Variants in AUTS2 observed in about 807,000 individuals in gnomAD.
The protein encoded by AUTS2 is activator of transcription and developmental regulator AUTS2, also known as autism susceptibility gene 2 protein.
A neutral mutation model predicts 112.4 loss-of-function variants in AUTS2; 17 were observed. The ratio of observed to expected loss-of-function variants is 0.15; its 90% CI spans 0.10 to 0.23. The LOEUF is 0.23. Ranked by LOEUF, AUTS2 falls within the 10% of genes least tolerant of loss-of-function variation. The pLI is 1.00. For missense variants in AUTS2, 1,510 were observed against 1,701.6 expected, an observed-to-expected ratio of 0.89 and a Z score of 1.98; for synonymous variants, 751 against 702.7, an observed-to-expected ratio of 1.07 and a Z score of -1.09.
intron 1 of AUTS2, among the ~76,000 whole-genome samples, chr7:69,816,163 G>A (rs1021856895): frequency 2.6e-5 from 4 of 152,156 alleles, no homozygotes; most frequent in African/African-American, 4.8e-5. Flanking sequence ...TTAACAATGG[G>A]GGCAAGCTTT....
At chr7:70,171,905 T>TGGGGGG (rs567903138) in intron 4 of AUTS2, among the ~76,000 whole-genome samples, 8 of 146,700 alleles carry the variant, frequency 5.5e-5, no homozygotes, top group African/African-American at 1.8e-4. Context: ...TTTTTTTTTT[T>TGGGGGG]GGGGGGGGGT....
chr7:70,392,938 T>C (rs1793927800), intron 4 of AUTS2, among the ~76,000 whole-genome samples: 2 of 152,228 alleles, frequency 1.3e-5, no homozygotes, highest in African/African-American at 4.8e-5. Flanking sequence ...TTAGAGAGGT[T>C]TTCTACTGGG....
At chr7:70,510,776 G>A (rs978418592) in intron 5 of AUTS2, among the ~76,000 whole-genome samples, 6 of 151,754 alleles carry the variant, frequency 4.0e-5, no homozygotes, top group Non-Finnish European at 7.4e-5. Context: ...ACAGGTAATA[G>A]GTTTATTGTT....
intron 2 of AUTS2, among the ~76,000 whole-genome samples, chr7:70,079,757 TA>T (rs1468694195): frequency 1.3e-5 from 2 of 152,132 alleles, no homozygotes; most frequent in African/African-American, 4.8e-5. Context: ...CAGAAATTGG[TA>T]AACAGGATGT....
chr7:70,591,618 C>T (rs570208376), intron 5 of AUTS2, among the ~76,000 whole-genome samples: 152 of 152,280 alleles, frequency 1.0e-3, no homozygotes, highest in African/African-American at 3.4e-3. Context: ...AGGCTGGTCT[C>T]AAACTCCTGA....
chr7:69,999,458 A>G (rs918200003), intron 2 of AUTS2, among the ~76,000 whole-genome samples: 1 of 152,218 alleles, frequency 6.6e-6, no homozygotes, highest in Non-Finnish European at 1.5e-5. Context: ...TGACTAACAC[A>G]TTAAATTCTG....
chr7:70,180,866 A>C (rs1809260733), intron 4 of AUTS2, among the ~76,000 whole-genome samples: 1 of 152,158 alleles, frequency 6.6e-6, no homozygotes, highest in African/African-American at 2.4e-5. Flanking sequence ...TCTATTGACT[A>C]TTGTGTTTGC....
At chr7:70,008,215 T>C (rs76166507) in intron 2 of AUTS2, among the ~76,000 whole-genome samples, 3,069 of 152,294 alleles carry the variant, frequency 0.02, 66 homozygotes, top group East Asian at 0.052. Flanking sequence ...ATTTTTTCTT[T>C]ATAATTCTCT....
chr7:70,109,196 G>A (rs1403260759), intron 2 of AUTS2, among the ~76,000 whole-genome samples: 1 of 152,114 alleles, frequency 6.6e-6, no homozygotes, highest in African/African-American at 2.4e-5. Flanking sequence ...AGTAAGTTTT[G>A]TGTGTTTATT....
intron 2 of AUTS2, among the ~76,000 whole-genome samples, chr7:70,083,489 T>C (rs1803425003): frequency 6.6e-6 from 1 of 152,340 alleles, no homozygotes; most frequent in South Asian, 2.1e-4. Flanking sequence ...TAAAATAAAC[T>C]TCTTTGTATA....
intron 5 of AUTS2, among the ~76,000 whole-genome samples, chr7:70,630,083 A>G (rs1348550203): frequency 6.6e-6 from 1 of 152,136 alleles, no homozygotes; most frequent in Non-Finnish European, 1.5e-5. Context: ...CAAAAGGGCA[A>G]GATTTACACA....
intron 5 of AUTS2, among the ~76,000 whole-genome samples, chr7:70,452,911 G>T (rs1252824054): frequency 2.0e-5 from 3 of 152,102 alleles, no homozygotes; most frequent in Non-Finnish European, 4.4e-5. Context: ...TTTAGAGGAG[G>T]CTTTTAACTT....
In AUTS2 at chr7:70,087,831, G is replaced by A. The variant is rs765582577; in HGVS notation, c.523-30301G>A. ...ATGTTTGGTAGGATTTATCAGCGAA[G>A]CCCTTGGGCCTGGAGTTTTCTTTAT... On this transcript the variant is annotated intron_variant, in intron 2 of 18. Transcript: ENST00000342771. 4.5e-4 allele frequency among the ~76,000 whole-genome samples: 69 copies of A among 152,232 alleles called. 1 individual carries two copies. Among genetic ancestry groups the A allele is most frequent in the Non-Finnish European group, 9.0e-4 (61 of 68,016 alleles).
intron 5 of AUTS2, among the ~76,000 whole-genome samples, chr7:70,622,442 T>G (rs80158423): frequency 0.041 from 6,269 of 152,058 alleles, 456 homozygotes; most frequent in African/African-American, 0.14. Flanking sequence ...GTTCCATAGC[T>G]CCCGTCATCC....
chr7:70,029,260 CTTTTTTTTT>C (rs34751901), intron 2 of AUTS2, among the ~76,000 whole-genome samples: 1 of 124,814 alleles, frequency 8.0e-6, no homozygotes, highest in East Asian at 2.4e-4. Flanking sequence ...TCCAGGGATA[CTTTTTTTTT>C]TTTTTTTTTT....
At chr7:70,265,201 G>A (rs1787359376) in intron 4 of AUTS2, among the ~76,000 whole-genome samples, 1 of 152,142 alleles carries the variant, frequency 6.6e-6, no homozygotes, top group South Asian at 2.1e-4. Context: ...ATTCTTATAG[G>A]TGAAGCAATG....
intron 2 of AUTS2, among the ~76,000 whole-genome samples, chr7:70,053,786 C>G (rs1801869785): frequency 6.6e-6 from 1 of 152,104 alleles, no homozygotes; most frequent in Non-Finnish European, 1.5e-5. Context: ...AAGAGGTCCT[C>G]CTGTCTTGGC....
chr7:70,677,775 A>T (rs2129544813), intron 5 of AUTS2, among the ~76,000 whole-genome samples: 1 of 152,154 alleles, frequency 6.6e-6, no homozygotes, highest in Non-Finnish European at 1.5e-5. Flanking sequence ...TCTACCTTAT[A>T]AAATTTTTAT....
intron 2 of AUTS2, among the ~76,000 whole-genome samples, chr7:69,986,961 A>G (rs1194306250): frequency 6.6e-6 from 1 of 152,202 alleles, no homozygotes; most frequent in African/African-American, 2.4e-5. Flanking sequence ...TTCGATATTT[A>G]GGATTAGGTG....
Sources: allele counts gnomAD v4.1 joint callset (sites outside exome capture counted in the v4.1 genomes callset), GRCh38; gene constraint gnomAD v4.1.1; transcripts MANE v1.5; gene names NCBI Gene and HGNC (gene_info 2026-07-23, HGNC 2026-07-21).